QTGAL: variants seen among roughly 807,000 people sequenced by gnomAD.
The protein encoded by QTGAL is queuosine-tRNA galactosyltransferase.
At chr17:82,956,210 A>T in the QTGAL span, among the ~76,000 whole-genome samples, 1 of 150,232 alleles carries the variant, frequency 6.7e-6, no homozygotes, top group African/African-American at 2.4e-5. This position sits in a 1 kb window ranked among gnomAD's most constrained non-coding sequence, Gnocchi z 5.7. Flanking sequence ...GCCAGCCTGG[A>T]CTCCCCACGC....
At chr17:82,976,941 AAC>A in the QTGAL span, among the ~76,000 whole-genome samples, 1 of 90,054 alleles carries the variant, frequency 1.1e-5, no homozygotes. Flanking sequence ...ACTTATGGGG[AAC>A]GAGGGCCCCG....
At chr17:82,989,356 G>A in the QTGAL span, among the ~76,000 whole-genome samples, 1 of 152,038 alleles carries the variant, frequency 6.6e-6, no homozygotes, top group South Asian at 2.1e-4. Context: ...GGTGGGGGAA[G>A]GGAGGGCATC....
the QTGAL span, among the ~76,000 whole-genome samples, chr17:83,002,675 G>A: frequency 2.0e-5 from 3 of 152,126 alleles, no homozygotes; most frequent in African/African-American, 7.2e-5. Context: ...AGTCATACCC[G>A]AGGCGGCACC....
At chr17:82,961,127 C>T in the QTGAL span, 67 of 1,607,778 alleles carry the variant, frequency 4.2e-5, no homozygotes, top group Non-Finnish European at 5.2e-5. Context: ...ACGCGGATGA[C>T]GCCGCCGCCC....
the QTGAL span, chr17:83,005,580 G>C: frequency 1.4e-6 from 1 of 702,816 alleles, no homozygotes; most frequent in Non-Finnish European, 2.6e-6. The surrounding 1 kb of genome is among the most constrained non-coding windows in gnomAD (Gnocchi z 5.6). Context: ...CTCACTTCTT[G>C]AATCACATGC....
the QTGAL span, among the ~76,000 whole-genome samples, chr17:83,005,401 G>A: frequency 6.6e-6 from 1 of 152,112 alleles, no homozygotes; most frequent in Non-Finnish European, 1.5e-5. The surrounding 1 kb of genome is among the most constrained non-coding windows in gnomAD (Gnocchi z 5.6). Context: ...GCTTTTGCTT[G>A]GGGACAGCAT....
the QTGAL span, chr17:82,981,402 A>G: frequency 6.6e-6 from 1 of 152,282 alleles, no homozygotes; most frequent in Admixed American, 6.5e-5. Flanking sequence ...CGCCGCACCC[A>G]TGTGGGGCCA....
chr17:83,043,118 C>T, the QTGAL span, among the ~76,000 whole-genome samples: 276 of 148,376 alleles, frequency 1.9e-3, 1 homozygote, highest in African/African-American at 6.4e-3. Flanking sequence ...ATGGAGAGAA[C>T]ATCTAGAGAG....
At chr17:82,947,202 C>T in the QTGAL span, 6 of 512,186 alleles carry the variant, frequency 1.2e-5, no homozygotes, top group African/African-American at 5.8e-5. Flanking sequence ...AGAGGGGAGG[C>T]CCCCCCTGCC....
chr17:83,030,964 A>G, the QTGAL span: 1 of 152,180 alleles, frequency 6.6e-6, no homozygotes, highest in Non-Finnish European at 1.5e-5. Context: ...TCTCACAACC[A>G]CCAGACCTCC....
At chr17:83,044,142 G>A in the QTGAL span, among the ~76,000 whole-genome samples, 1 of 152,190 alleles carries the variant, frequency 6.6e-6, no homozygotes, top group Non-Finnish European at 1.5e-5. Context: ...TATGAGGCCA[G>A]TATTACTCTG....
At chr17:82,982,820 A>T in the QTGAL span, among the ~76,000 whole-genome samples, 3 of 152,048 alleles carry the variant, frequency 2.0e-5, no homozygotes, top group South Asian at 6.2e-4. Context: ...CGTCTCACAG[A>T]ACTCCCTCCA....
chr17:82,958,187 C>A, the QTGAL span, among the ~76,000 whole-genome samples: 1 of 152,224 alleles, frequency 6.6e-6, no homozygotes, highest in Non-Finnish European at 1.5e-5. Flanking sequence ...TCTCAAAGCC[C>A]CAGGAGCTGG....
At chr17:82,992,278 G>C in the QTGAL span, among the ~76,000 whole-genome samples, 1 of 152,066 alleles carries the variant, frequency 6.6e-6, no homozygotes, top group African/African-American at 2.4e-5. Context: ...GAAGGTCAAG[G>C]ATAAAGAAAG....
chr17:83,006,717 C>T, the QTGAL span: 1 of 985,388 alleles, frequency 1.0e-6, no homozygotes, highest in African/African-American at 1.7e-5. This position sits in a 1 kb window ranked among gnomAD's most constrained non-coding sequence, Gnocchi z 5.8. Flanking sequence ...GGCTTTCGCA[C>T]TGCTCCTCGG....
the QTGAL span, among the ~76,000 whole-genome samples, chr17:83,043,735 G>A: frequency 6.6e-6 from 1 of 151,982 alleles, no homozygotes; most frequent in Admixed American, 6.6e-5. Context: ...TTTGAAGAGG[G>A]TCAACAAAAT....
At chr17:83,041,744 G>A in the QTGAL span, among the ~76,000 whole-genome samples, 2 of 152,236 alleles carry the variant, frequency 1.3e-5, no homozygotes, top group East Asian at 3.8e-4. Context: ...CTGAATTTGT[G>A]TTGCCTTTGA....
chr17:82,979,643 A>T, the QTGAL span, among the ~76,000 whole-genome samples: 4 of 152,020 alleles, frequency 2.6e-5, no homozygotes, highest in African/African-American at 7.2e-5. Context: ...CGGGACAAAT[A>T]GTGAATTGGA....
the QTGAL span, among the ~76,000 whole-genome samples, chr17:82,951,387 C>T: frequency 6.6e-6 from 1 of 152,246 alleles, no homozygotes; most frequent in Non-Finnish European, 1.5e-5. Context: ...CTTATGTTCA[C>T]AGCTTCCTCA....
Sources: allele counts gnomAD v4.1 joint callset (sites outside exome capture counted in the v4.1 genomes callset), GRCh38; gene constraint gnomAD v4.1.1; non-coding constraint Gnocchi (gnomAD v3.1); transcripts MANE v1.5; gene names NCBI Gene and HGNC (gene_info 2026-07-23, HGNC 2026-07-21).